Variants in GSTCD observed in about 807,000 individuals in gnomAD.
GSTCD encodes glutathione S-transferase C-terminal domain-containing protein.
GSTCD carries 44 observed loss-of-function variants against 68.3 expected under a neutral mutation model. That is an observed-to-expected ratio of 0.64 (90% CI 0.51 to 0.83). The LOEUF (loss-of-function observed/expected upper bound fraction) is 0.83. GSTCD is among the 40% of genes least tolerant of loss of function. GSTCD has a pLI of 0.00. For missense variants in GSTCD, 739 were observed against 735.9 expected, an observed-to-expected ratio of 1.00 and a Z score of -0.05; for synonymous variants, 273 against 255.2, an observed-to-expected ratio of 1.07 and a Z score of -0.67.
intron 11 of GSTCD, among the ~76,000 whole-genome samples, chr4:105,842,840 C>T (rs1724410503): frequency 2.0e-5 from 3 of 152,298 alleles, no homozygotes; most frequent in Middle Eastern, 3.4e-3. Context: ...TGGGGTCCCT[C>T]ATCTGGTAGA....
At chr4:105,756,601 TA>T (rs1553960274) in intron 5 of GSTCD, among the ~76,000 whole-genome samples, 30 of 136,220 alleles carry the variant, frequency 2.2e-4, no homozygotes, top group African/African-American at 6.5e-4. Flanking sequence ...TATATATATA[TA>T]ATATGTCTTA....
intron 5 of GSTCD, among the ~76,000 whole-genome samples, chr4:105,755,056 C>CAAAAAAAA (rs70941214): frequency 2.0e-5 from 1 of 50,986 alleles, no homozygotes; most frequent in African/African-American, 7.9e-5. Context: ...CTCATTTCTC[C>CAAAAAAAA]AAAAAAAAAA....
At chr4:105,748,955 T>G (rs909162450) in intron 5 of GSTCD, among the ~76,000 whole-genome samples, 4 of 151,986 alleles carry the variant, frequency 2.6e-5, no homozygotes, top group African/African-American at 9.7e-5. Context: ...TAATTAATTA[T>G]GCTTGGCAAT....
At chr4:105,793,109 G>A (rs1735737483) in intron 5 of GSTCD, among the ~76,000 whole-genome samples, 1 of 151,928 alleles carries the variant, frequency 6.6e-6, no homozygotes, top group Non-Finnish European at 1.5e-5. Flanking sequence ...TAACTGAATT[G>A]CATTACATTT....
chr4:105,811,931 AAAC>A (rs1190216309), intron 5 of GSTCD, among the ~76,000 whole-genome samples: 3 of 152,188 alleles, frequency 2.0e-5, no homozygotes, highest in African/African-American at 7.2e-5. Flanking sequence ...ATCAGGAAGA[AAAC>A]AAGTTTCATG....
chr4:105,717,789 A>T lies in GSTCD; in HGVS notation c.176A>T (p.Asp59Val), dbSNP rs200804571. Residue 59 changes from aspartate to valine, a missense_variant, in exon 2 of 12, where the codon GAT becomes GTT. By Grantham distance (152) the Asp-to-Val change is radical (BLOSUM62 -3). Transcript: ENST00000515279. The part of the protein sequence containing the change: ...CLVVTKEVSR[D>V]SSLLRDDLIQ... ...GTTGTCACCAAAGAGGTGAGTAGAG[A>T]TAGTTCACTACTAAGAGATGACCTG... 1.9e-6 allele frequency: 3 copies of T among 1,613,896 alleles called. No homozygotes were observed. Among genetic ancestry groups the T allele is most frequent in the Middle Eastern group, 1.6e-4 (1 of 6,082 alleles).
intron 1 of GSTCD, among the ~76,000 whole-genome samples, chr4:105,716,127 C>T (rs529074626): frequency 6.6e-6 from 1 of 151,812 alleles, no homozygotes; most frequent in Admixed American, 6.6e-5. Context: ...AAGCAGTGAA[C>T]AAAAAATTTT....
At chr4:105,830,940 T>C (rs185437416) in intron 8 of GSTCD, among the ~76,000 whole-genome samples, 1 of 152,130 alleles carries the variant, frequency 6.6e-6, no homozygotes, top group East Asian at 1.9e-4. Flanking sequence ...ATAAATAATG[T>C]CTAATATTTA....
intron 5 of GSTCD, among the ~76,000 whole-genome samples, chr4:105,750,460 CA>C (rs1024094979): frequency 0.024 from 1,236 of 51,298 alleles, 13 homozygotes; most frequent in African/African-American, 0.069. Flanking sequence ...AACTCCGTCT[CA>C]AAAAAAAAAA....
intron 5 of GSTCD, among the ~76,000 whole-genome samples, chr4:105,732,243 T>A (rs1287494431): frequency 2.0e-5 from 3 of 152,238 alleles, no homozygotes; most frequent in Non-Finnish European, 4.4e-5. Flanking sequence ...TTGCTATTGA[T>A]TGGAATAGTT....
intron 5 of GSTCD, among the ~76,000 whole-genome samples, chr4:105,741,576 A>G (rs1733631967): frequency 6.6e-6 from 1 of 152,240 alleles, no homozygotes; most frequent in South Asian, 2.1e-4. Flanking sequence ...TCCATAATTC[A>G]TCGACTTGGA....
chr4:105,730,630 T>C (rs578173929), intron 5 of GSTCD, among the ~76,000 whole-genome samples: 33 of 152,336 alleles, frequency 2.2e-4, no homozygotes, highest in African/African-American at 7.9e-4. Flanking sequence ...TCATTGTAGA[T>C]TCTGGATATT....
Position 105,719,173 on chromosome 4 carries a change from GA to G in GSTCD, c.545del (p.Lys182SerfsTer58), listed in dbSNP as rs1253748298. 1 of 1,613,988 alleles carries G rather than the reference GA, an allele frequency of 6.2e-7. No homozygotes were observed. Among genetic ancestry groups the G allele is most frequent in the Non-Finnish European group, 8.5e-7 (1 of 1,180,008 alleles). On this transcript the variant is annotated frameshift_variant, in exon 3 of 12. Transcript: ENST00000515279. LOFTEE classifies it high-confidence loss of function. ...TIPVEILQLE[K>X]KLSEPVRVHN... is the part of the protein sequence containing the mutation. The stretch of plus-strand genomic sequence containing the variant: ...TACCTGTAGAAATACTACAGCTAGA[GA>G]AAAAGCTTAGTGAGCCTGTTAGAGT...
At chr4:105,844,527 A>G (rs1244801138) in intron 11 of GSTCD, among the ~76,000 whole-genome samples, 2 of 152,014 alleles carry the variant, frequency 1.3e-5, no homozygotes, top group Admixed American at 1.3e-4. Flanking sequence ...TATTTTGGTG[A>G]TCTGTCTTCA....
At chr4:105,745,532 T>C (rs1733771261) in intron 5 of GSTCD, among the ~76,000 whole-genome samples, 1 of 152,218 alleles carries the variant, frequency 6.6e-6, no homozygotes, top group Non-Finnish European at 1.5e-5. Context: ...TGTTTGAGCC[T>C]GAGGACTCCT....
chr4:105,821,892 A>C (rs1054535371), intron 5 of GSTCD, among the ~76,000 whole-genome samples: 2 of 151,880 alleles, frequency 1.3e-5, no homozygotes, highest in African/African-American at 4.8e-5. Context: ...ACATTTAAAA[A>C]TCTTTCCTAA....
chr4:105,840,827 AG>A (rs1724302832), intron 10 of GSTCD, among the ~76,000 whole-genome samples: 1 of 152,222 alleles, frequency 6.6e-6, no homozygotes, highest in South Asian at 2.1e-4. Context: ...GTTTGTCTTA[AG>A]GCAGAAAGGG....
chr4:105,732,615 A>T (rs1483704122), intron 5 of GSTCD, among the ~76,000 whole-genome samples: 2 of 151,868 alleles, frequency 1.3e-5, no homozygotes, highest in East Asian at 3.9e-4. Flanking sequence ...CAGTCTATCA[A>T]TTTTGTTGAT....
intron 3 of GSTCD, among the ~76,000 whole-genome samples, chr4:105,722,439 CAG>C (rs1398706549): frequency 1.3e-5 from 2 of 152,010 alleles, no homozygotes; most frequent in Admixed American, 6.5e-5. Context: ...AAGTAAAAAA[CAG>C]AGAGCTGGGA....
Sources: allele counts gnomAD v4.1 joint callset (sites outside exome capture counted in the v4.1 genomes callset), GRCh38; gene constraint gnomAD v4.1.1; transcripts MANE v1.5; gene names NCBI Gene and HGNC (gene_info 2026-07-23, HGNC 2026-07-21).